HMGB1: variants seen among roughly 807,000 people sequenced by gnomAD.
HMGB1 encodes high mobility group protein B1.
For missense variants in HMGB1, 79 were observed against 253.5 expected (o/e 0.31, Z 4.67); for synonymous variants, 81 against 84.0 (o/e 0.96, Z 0.19).
At chr13:30,475,131 TCTCTCTC>T (rs1887056325) in intron 1 of HMGB1, among the ~76,000 whole-genome samples, 3 of 68,288 alleles carry the variant, frequency 4.4e-5, no homozygotes, top group Admixed American at 1.4e-4. Context: ...TCTCTCTCTC[TCTCTCTC>T]TTTTTTTTTT....
intron 1 of HMGB1, among the ~76,000 whole-genome samples, chr13:30,589,093 T>C (rs1308742187): frequency 6.6e-6 from 1 of 150,728 alleles, no homozygotes; most frequent in Non-Finnish European, 1.5e-5. Flanking sequence ...ACAACCTCTG[T>C]CTCCCAGGTT....
At position 30,460,816 on chromosome 13, in the gene HMGB1, G is replaced by T. The variant is rs1478002917; in HGVS notation, c.*541C>A. 6.5e-6 allele frequency: 1 copy of T among 152,934 alleles called. No homozygotes were observed. The highest frequency in any genetic ancestry group is 2.4e-5 in the African/African-American group (1 of 41,440). 9.5% of individuals were successfully genotyped at this position (152,934 alleles called of 1,614,324 possible). Reference sequence around the variant, plus strand: ...GGATAAACACTGTAATAATTCATGTGATTCAAAATGGGCAAAAGCAAAAGA... The same window carrying T: ...GGATAAACACTGTAATAATTCATGTTATTCAAAATGGGCAAAAGCAAAAGA... On this transcript the variant is annotated 3_prime_UTR_variant, in exon 5 of 5. Transcript: ENST00000341423.
chr13:30,511,331 C>T (rs1445533130), intron 1 of HMGB1, among the ~76,000 whole-genome samples: 1 of 152,118 alleles, frequency 6.6e-6, no homozygotes. Context: ...GGGTGGATCC[C>T]TCATGAATGG....
chr13:30,610,906 TA>T (rs1228878857), intron 1 of HMGB1, among the ~76,000 whole-genome samples: 2 of 152,170 alleles, frequency 1.3e-5, no homozygotes, highest in Non-Finnish European at 2.9e-5. Context: ...AAAATCTTTT[TA>T]AAAAATGAAT....
rs970953410 is a variant in HMGB1, at chr13:30,459,396, T to A, written c.*1961A>T. ...ATGACGTACCTACTAAAGTTACAAA[T>A]TCTCCTTGAGCCAGAATTCATTTTA... On this transcript the variant is annotated 3_prime_UTR_variant, in exon 5 of 5. Transcript: ENST00000341423. 8 of 152,328 alleles carry A rather than the reference T, an allele frequency of 5.3e-5. No homozygotes were observed. The highest frequency in any genetic ancestry group is 2.1e-4 in the South Asian group (1 of 4,820). The allele number at this position is 152,328 out of a possible 1,614,324, so 9.4% of individuals were successfully genotyped here. A position where few individuals can be genotyped will look rare whatever the true frequency, so the allele number is the denominator to read the frequency against.
chr13:30,486,875 C>T (rs1887376469), intron 1 of HMGB1, among the ~76,000 whole-genome samples: 1 of 152,128 alleles, frequency 6.6e-6, no homozygotes, highest in Non-Finnish European at 1.5e-5. Flanking sequence ...GGAAGCTGCT[C>T]CAACAGATAC....
At chr13:30,515,984 T>A (rs1300164309) in intron 1 of HMGB1, among the ~76,000 whole-genome samples, 1 of 152,216 alleles carries the variant, frequency 6.6e-6, no homozygotes, top group Non-Finnish European at 1.5e-5. Context: ...AATTTTTATT[T>A]AAAAAGTCTG....
At chr13:30,502,518 A>C (rs1192488688) in intron 1 of HMGB1, among the ~76,000 whole-genome samples, 1 of 152,190 alleles carries the variant, frequency 6.6e-6, no homozygotes, top group East Asian at 1.9e-4. Flanking sequence ...TTGAGATATA[A>C]TGTACATACT....
intron 1 of HMGB1, among the ~76,000 whole-genome samples, chr13:30,472,651 C>T (rs1393218723): frequency 6.6e-6 from 1 of 152,040 alleles, no homozygotes; most frequent in Non-Finnish European, 1.5e-5. Context: ...AAAATGCAGA[C>T]TGGGAGCTGT....
intron 1 of HMGB1, among the ~76,000 whole-genome samples, chr13:30,536,681 C>A (rs970924840): frequency 6.6e-6 from 1 of 152,198 alleles, no homozygotes; most frequent in African/African-American, 2.4e-5. Context: ...TATTATTCAA[C>A]AACTGTGTAA....
At position 30,463,272 on chromosome 13, in the gene HMGB1, G is replaced by A; in HGVS notation, c.231C>T (p.Thr77=). The change falls in exon 3 of 5, where the codon ACC becomes ACT. Residue 77 remains threonine (T), a synonymous_variant. Coordinates refer to ENST00000341423, the MANE Select transcript of HMGB1 (RefSeq NM_002128.7). ...DKARYEREMK[T]YIPPKGETKK... is the part of the protein sequence containing the mutation. ...TTGTCTCCCCTTTGGGAGGGATATAGGTTTTCATTTCTCTTTCATAACGGG... is the reference window on the plus strand; with the variant it reads ...TTGTCTCCCCTTTGGGAGGGATATAAGTTTTCATTTCTCTTTCATAACGGG... 1 of 1,608,740 alleles carries A rather than the reference G, an allele frequency of 6.2e-7. No individual in the cohort carries two copies. The highest frequency in any genetic ancestry group is 8.5e-7 in the Non-Finnish European group (1 of 1,179,154).
chr13:30,615,419 A>G (rs1950551430), intron 1 of HMGB1, among the ~76,000 whole-genome samples: 1 of 152,230 alleles, frequency 6.6e-6, no homozygotes, highest in African/African-American at 2.4e-5. Flanking sequence ...AACACATACC[A>G]GGGGCCAAGG....
intron 1 of HMGB1, among the ~76,000 whole-genome samples, chr13:30,562,854 A>G (rs902571688): frequency 1.3e-5 from 2 of 152,222 alleles, no homozygotes; most frequent in Non-Finnish European, 2.9e-5. Flanking sequence ...CTCTGTTATT[A>G]TCTGAACTAG....
At chr13:30,472,468 G>T (rs1414906115) in intron 1 of HMGB1, among the ~76,000 whole-genome samples, 1 of 152,130 alleles carries the variant, frequency 6.6e-6, no homozygotes, top group East Asian at 1.9e-4. Flanking sequence ...AGGCATGGTG[G>T]CGCACACCTG....
chr13:30,547,198 T>A (rs528146060), intron 1 of HMGB1, among the ~76,000 whole-genome samples: 1 of 152,380 alleles, frequency 6.6e-6, no homozygotes, highest in East Asian at 1.9e-4. Flanking sequence ...AATTTTATCA[T>A]CTCTGATTTC....
intron 1 of HMGB1, among the ~76,000 whole-genome samples, chr13:30,560,634 T>A (rs987737958): frequency 6.6e-6 from 1 of 152,284 alleles, no homozygotes; most frequent in Non-Finnish European, 1.5e-5. Flanking sequence ...AACGCACGCC[T>A]CAAGATTTGG....
intron 1 of HMGB1, among the ~76,000 whole-genome samples, chr13:30,505,568 C>T (rs1026597059): frequency 3.3e-5 from 5 of 152,136 alleles, no homozygotes; most frequent in African/African-American, 1.2e-4. Context: ...ACCTTGGCCT[C>T]CCAAAGTTCT....
At chr13:30,466,895 T>C (rs899363096), upstream of HMGB1, among the ~76,000 whole-genome samples, 4 of 152,224 alleles carry the variant, frequency 2.6e-5, no homozygotes, top group Non-Finnish European at 5.9e-5. Flanking sequence ...ATCAAACGAA[T>C]CCTTGTGATG....
intron 1 of HMGB1, chr13:30,553,804 G>A (rs769232992): frequency 1.3e-5 from 18 of 1,383,810 alleles, no homozygotes; most frequent in Middle Eastern, 2.2e-4. Context: ...AACAGAAATC[G>A]AAATAGATAC....
Sources: allele counts gnomAD v4.1 joint callset (sites outside exome capture counted in the v4.1 genomes callset), GRCh38; gene constraint gnomAD v4.1.1; transcripts MANE v1.5; gene names NCBI Gene and HGNC (gene_info 2026-07-23, HGNC 2026-07-21).